The following PALLD variants were observed in gnomAD, a reference collection of about 807,000 sequenced individuals.
PALLD encodes palladin.
In PALLD, 61 loss-of-function variants were observed where a neutral mutation model predicts 123.5. The ratio of observed to expected loss-of-function variants is 0.49; its 90% CI spans 0.40 to 0.61. The LOEUF (loss-of-function observed/expected upper bound fraction) is 0.61, where lower values mean the gene tolerates loss of function less well. Ranked by LOEUF, PALLD falls within the 20% of genes least tolerant of loss-of-function variation. The pLI is 0.00. For synonymous variants in PALLD, 465 were observed against 496.4 expected (o/e 0.94, Z 0.84); for missense variants, 1,273 against 1,377.0 (o/e 0.92, Z 1.20).
At chr4:168,666,899 CTT>C (rs1384500201) in intron 2 of PALLD, among the ~76,000 whole-genome samples, 4 of 152,130 alleles carry the variant, frequency 2.6e-5, no homozygotes, top group African/African-American at 9.7e-5. Context: ...TTCTTCAAGA[CTT>C]TATGACAACA....
intron 2 of PALLD, among the ~76,000 whole-genome samples, chr4:168,581,368 A>G (rs1262133410): frequency 1.3e-5 from 2 of 151,890 alleles, no homozygotes; most frequent in Non-Finnish European, 2.9e-5. Context: ...CATTCCCACC[A>G]ACAGTGTACA....
chr4:168,746,533 A>G (rs1200788542), intron 10 of PALLD, among the ~76,000 whole-genome samples: 1 of 152,102 alleles, frequency 6.6e-6, no homozygotes, highest in Non-Finnish European at 1.5e-5. Context: ...TGGAGCTAGC[A>G]CAGTCCTTAG....
chr4:168,579,251 G>A (rs17650886), intron 2 of PALLD, among the ~76,000 whole-genome samples: 14,051 of 152,152 alleles, frequency 0.092, 729 homozygotes, highest in South Asian at 0.17. Flanking sequence ...ACGTCATTTC[G>A]TACCTTCATG....
intron 10 of PALLD, among the ~76,000 whole-genome samples, chr4:168,786,453 C>T (rs558571209): frequency 4.8e-4 from 73 of 151,632 alleles, no homozygotes; most frequent in African/African-American, 1.6e-3. Flanking sequence ...GCCAGAAGAT[C>T]GCTTGAGCCC....
intron 1 of PALLD, among the ~76,000 whole-genome samples, chr4:168,498,413 C>G (rs1760983454): frequency 2.0e-5 from 3 of 152,174 alleles, no homozygotes; most frequent in Non-Finnish European, 4.4e-5. Flanking sequence ...CTGGATTGCA[C>G]TGGACAAGTA....
intron 10 of PALLD, among the ~76,000 whole-genome samples, chr4:168,810,644 A>C (rs1384626078): frequency 1.2e-4 from 3 of 25,594 alleles, no homozygotes; most frequent in African/African-American, 3.4e-4. Flanking sequence ...ACTCTGTCTC[A>C]AAAAAAAAAA....
chr4:168,811,269 T>C (rs1412538606), intron 10 of PALLD, among the ~76,000 whole-genome samples: 2 of 152,218 alleles, frequency 1.3e-5, no homozygotes, highest in Non-Finnish European at 2.9e-5. Context: ...TTGGTGTTTT[T>C]CCAGTACTGC....
At chr4:168,561,030 C>A (rs1210988682) in intron 2 of PALLD, among the ~76,000 whole-genome samples, 1 of 152,186 alleles carries the variant, frequency 6.6e-6, no homozygotes, top group East Asian at 1.9e-4. Flanking sequence ...AAGAGGGAGG[C>A]ATTTCAGTGC....
chr4:168,860,753 C>T (rs1240551924), intron 10 of PALLD, among the ~76,000 whole-genome samples: 25 of 152,208 alleles, frequency 1.6e-4, no homozygotes, highest in East Asian at 5.8e-4. Context: ...ACCCAGGAGG[C>T]GGAGGTTGCA....
chr4:168,842,103 T>C (rs1438853884), intron 10 of PALLD, among the ~76,000 whole-genome samples: 1 of 152,222 alleles, frequency 6.6e-6, no homozygotes, highest in Non-Finnish European at 1.5e-5. Context: ...ATTCCCCTCT[T>C]TATATGTGGC....
In PALLD at chr4:168,724,094, C is replaced by T. The variant is rs944864367; in HGVS notation, c.1964+12171C>T. Reference sequence around the variant, plus strand: ...ATTTCTAGTAGAGACAGGGTTTCACCACGTTGACCAGGATGGTCTTGATCT... The same window carrying T: ...ATTTCTAGTAGAGACAGGGTTTCACTACGTTGACCAGGATGGTCTTGATCT... On this transcript the variant is annotated intron_variant, in intron 10 of 21. Coordinates refer to ENST00000505667, the MANE Select transcript of PALLD (RefSeq NM_001166108.2). 7.9e-5 allele frequency among the ~76,000 whole-genome samples: 12 copies of T among 152,162 alleles called. No individual in the cohort carries two copies. In the East Asian group the frequency reaches 1.5e-3, roughly 20 times the overall value.
chr4:168,660,671 T>C (rs1364069738), intron 2 of PALLD, among the ~76,000 whole-genome samples: 5 of 152,124 alleles, frequency 3.3e-5, no homozygotes, highest in Non-Finnish European at 5.9e-5. Flanking sequence ...CACAGAATAG[T>C]ATAAAGAAAT....
At chr4:168,669,820 A>ACACACG (rs1554060299) in intron 3 of PALLD, among the ~76,000 whole-genome samples, 1 of 152,082 alleles carries the variant, frequency 6.6e-6, no homozygotes, top group Non-Finnish European at 1.5e-5. Flanking sequence ...ACACACACAC[A>ACACACG]CACAATCATT....
intron 10 of PALLD, among the ~76,000 whole-genome samples, chr4:168,816,816 CCGTGTGTGTG>C (rs1463334879): frequency 8.1e-6 from 1 of 122,776 alleles, no homozygotes; most frequent in Non-Finnish European, 1.7e-5. Context: ...GGAGCTAGCC[CCGTGTGTGTG>C]TGTGTGTGTG....
At chr4:168,509,444 C>T (rs954925193) in intron 1 of PALLD, among the ~76,000 whole-genome samples, 3 of 152,132 alleles carry the variant, frequency 2.0e-5, no homozygotes, top group African/African-American at 7.2e-5. Flanking sequence ...CAAAATCATA[C>T]TTTAACTGCC....
chr4:168,921,014 C>T (rs796479541), intron 17 of PALLD, among the ~76,000 whole-genome samples: 2 of 152,202 alleles, frequency 1.3e-5, no homozygotes, highest in African/African-American at 4.8e-5. Flanking sequence ...CTCTAGGTTG[C>T]TCTGTAAGAA....
chr4:168,914,451 T>G (rs1759691450), intron 16 of PALLD, among the ~76,000 whole-genome samples: 1 of 152,210 alleles, frequency 6.6e-6, no homozygotes, highest in South Asian at 2.1e-4. Context: ...TGTTCATTTT[T>G]CAGCCACTTA....
At chr4:168,802,998 A>T (rs1739576834) in intron 10 of PALLD, among the ~76,000 whole-genome samples, 1 of 152,192 alleles carries the variant, frequency 6.6e-6, no homozygotes, top group Non-Finnish European at 1.5e-5. Flanking sequence ...GGGCTACATT[A>T]CATTTTTACT....
At chr4:168,542,658 G>A (rs1431967402) in intron 2 of PALLD, among the ~76,000 whole-genome samples, 3 of 73,056 alleles carry the variant, frequency 4.1e-5, no homozygotes, top group African/African-American at 2.0e-4. Flanking sequence ...TTTATGTAAA[G>A]CTCTCTCTCT....
Sources: allele counts gnomAD v4.1 joint callset (sites outside exome capture counted in the v4.1 genomes callset), GRCh38; gene constraint gnomAD v4.1.1; transcripts MANE v1.5; gene names NCBI Gene and HGNC (gene_info 2026-07-23, HGNC 2026-07-21).